Variants in TRIO observed in about 807,000 individuals in gnomAD.
The protein encoded by TRIO is triple functional domain protein.
In TRIO, 58 loss-of-function variants were observed where a neutral mutation model predicts 351.9. The observed-to-expected ratio is 0.16, with a 90% CI of 0.13 to 0.21. The LOEUF (loss-of-function observed/expected upper bound fraction) is 0.21, where lower values mean the gene tolerates loss of function less well. Ranked by LOEUF, TRIO falls within the 10% of genes least tolerant of loss-of-function variation. The pLI, the probability that TRIO is intolerant of heterozygous loss-of-function variation, is 1.00. For missense variants in TRIO, 3,201 were observed against 4,027.8 expected (o/e 0.79, Z 5.56); for synonymous variants, 1,758 against 1,595.7 (o/e 1.10, Z -2.42).
chr5:14,259,445 A>G (rs1041024409), intron 1 of TRIO, among the ~76,000 whole-genome samples: 3 of 152,258 alleles, frequency 2.0e-5, no homozygotes, highest in Non-Finnish European at 4.4e-5. Flanking sequence ...TAGCAGATGC[A>G]TTACTTTTCT....
intron 8 of TRIO, among the ~76,000 whole-genome samples, chr5:14,312,176 T>G (rs776904489): frequency 5.3e-5 from 8 of 152,170 alleles, no homozygotes; most frequent in Non-Finnish European, 8.8e-5. Flanking sequence ...AATAGGCAAA[T>G]CTCTGAAGTT....
intron 19 of TRIO, among the ~76,000 whole-genome samples, chr5:14,375,627 T>A (rs1188199814): frequency 1.3e-5 from 2 of 152,082 alleles, no homozygotes; most frequent in African/African-American, 4.8e-5. Context: ...GAAAAGACAG[T>A]CTAACCCCAA....
intron 1 of TRIO, among the ~76,000 whole-genome samples, chr5:14,150,441 G>A (rs1203946519): frequency 6.6e-6 from 1 of 151,458 alleles, no homozygotes; most frequent in East Asian, 1.9e-4. Flanking sequence ...CACACACACC[G>A]TTTAACTGTA....
intron 34 of TRIO, among the ~76,000 whole-genome samples, chr5:14,431,353 C>T (rs1257196473): frequency 2.0e-5 from 3 of 152,204 alleles, no homozygotes; most frequent in East Asian, 1.9e-4. Flanking sequence ...CTTCCCGAAA[C>T]CTTTCTAGCC....
chr5:14,501,814 A>G (rs964786336), intron 53 of TRIO, among the ~76,000 whole-genome samples: 2 of 152,274 alleles, frequency 1.3e-5, no homozygotes, highest in Non-Finnish European at 2.9e-5. Context: ...AGGAGGCTGG[A>G]TGAGTGGGGT....
chr5:14,183,165 T>G (rs1264893524), intron 1 of TRIO, among the ~76,000 whole-genome samples: 1 of 152,146 alleles, frequency 6.6e-6, no homozygotes, highest in Non-Finnish European at 1.5e-5. Flanking sequence ...ACAGCTAGGT[T>G]TGTTCCCGGT....
chr5:14,455,460 A>T (rs1196829444), intron 34 of TRIO, among the ~76,000 whole-genome samples: 4 of 152,040 alleles, frequency 2.6e-5, no homozygotes, highest in African/African-American at 9.7e-5. Context: ...ACCTTAAGCT[A>T]GACACAGGGT....
chr5:14,343,500 G>T (rs1284101440), intron 11 of TRIO, among the ~76,000 whole-genome samples: 1 of 152,172 alleles, frequency 6.6e-6, no homozygotes, highest in Non-Finnish European at 1.5e-5. Context: ...CATAAATGGA[G>T]TCATGCAGCA....
chr5:14,271,556 G>A (rs768006874), intron 2 of TRIO, among the ~76,000 whole-genome samples: 1 of 152,172 alleles, frequency 6.6e-6, no homozygotes, highest in Non-Finnish European at 1.5e-5. Flanking sequence ...GTTTTGGACT[G>A]TCTTCTTGGG....
intron 34 of TRIO, among the ~76,000 whole-genome samples, chr5:14,449,739 A>G (rs1182327004): frequency 6.6e-6 from 1 of 152,182 alleles, no homozygotes; most frequent in Non-Finnish European, 1.5e-5. Context: ...ACTGTTATCC[A>G]CGATCAGTAA....
chr5:14,342,519 G>T (rs1045865178), intron 11 of TRIO, among the ~76,000 whole-genome samples: 1 of 152,226 alleles, frequency 6.6e-6, no homozygotes, highest in Admixed American at 6.5e-5. Context: ...TTTCCCATGG[G>T]AGGTGTGGCT....
intron 8 of TRIO, among the ~76,000 whole-genome samples, chr5:14,313,717 C>T (rs1739128656): frequency 6.6e-6 from 1 of 152,144 alleles, no homozygotes; most frequent in African/African-American, 2.4e-5. Context: ...TTAAGATTGC[C>T]TCAGAGTCAT....
intron 49 of TRIO, among the ~76,000 whole-genome samples, chr5:14,494,886 G>A (rs529792188): frequency 6.6e-6 from 1 of 152,270 alleles, no homozygotes; most frequent in African/African-American, 2.4e-5. Flanking sequence ...GCAGCAGAGT[G>A]AGACTCTGTC....
At chr5:14,194,534 T>C (rs1306654342) in intron 1 of TRIO, among the ~76,000 whole-genome samples, 1 of 152,252 alleles carries the variant, frequency 6.6e-6, no homozygotes, top group Non-Finnish European at 1.5e-5. Flanking sequence ...ATCTAGCTAG[T>C]AACTTAGCTT....
chr5:14,446,149 CCTCG>C (rs1196761266), intron 34 of TRIO, among the ~76,000 whole-genome samples: 2 of 152,024 alleles, frequency 1.3e-5, no homozygotes, highest in Non-Finnish European at 2.9e-5. Flanking sequence ...TCCCTCCCTC[CCTCG>C]CTCCCTTCCT....
intron 33 of TRIO, among the ~76,000 whole-genome samples, chr5:14,411,680 T>C (rs1735103374): frequency 6.6e-6 from 1 of 152,162 alleles, no homozygotes; most frequent in African/African-American, 2.4e-5. Flanking sequence ...TGATCAGAGC[T>C]CACTGTAGTC....
intron 11 of TRIO, among the ~76,000 whole-genome samples, chr5:14,339,740 C>A (rs1212470715): frequency 6.6e-6 from 1 of 152,180 alleles, no homozygotes; most frequent in African/African-American, 2.4e-5. Flanking sequence ...ATTTGTCTTT[C>A]CCTGACCAGC....
intron 1 of TRIO, among the ~76,000 whole-genome samples, chr5:14,225,792 A>ACCCCC (rs56044349): frequency 7.7e-5 from 6 of 78,132 alleles, no homozygotes; most frequent in African/African-American, 1.6e-4. Context: ...CACTGCTCCC[A>ACCCCC]CCCCCCCCCC....
chr5:14,500,831 G>C (rs981007117), intron 53 of TRIO, among the ~76,000 whole-genome samples: 3 of 145,760 alleles, frequency 2.1e-5, no homozygotes, highest in Non-Finnish European at 4.5e-5. Context: ...TGAAATTGCA[G>C]TGAGTCGAGA....
Sources: allele counts gnomAD v4.1 joint callset (sites outside exome capture counted in the v4.1 genomes callset), GRCh38; gene constraint gnomAD v4.1.1; transcripts MANE v1.5; gene names NCBI Gene and HGNC (gene_info 2026-07-23, HGNC 2026-07-21).